The following PYROXD2 variants were observed in gnomAD, a reference collection of about 807,000 sequenced individuals.
The protein encoded by PYROXD2 is pyridine nucleotide-disulphide oxidoreductase domain 2, also known as pyridine nucleotide-disulfide oxidoreductase domain-containing protein 2.
A neutral mutation model predicts 71.1 loss-of-function variants in PYROXD2; 69 were observed. That is an observed-to-expected ratio of 0.97 (90% CI 0.80 to 1.19). The LOEUF (loss-of-function observed/expected upper bound fraction) is 1.19. Ranked by LOEUF, PYROXD2 falls within the 50% of genes most tolerant of loss-of-function variation. The pLI is 0.00. For synonymous variants in PYROXD2, 287 were observed against 302.7 expected (o/e 0.95, Z 0.54); for missense variants, 745 against 748.9 (o/e 0.99, Z 0.06).
intron 1 of PYROXD2, among the ~76,000 whole-genome samples, chr10:98,413,152 T>C (rs1275643871): frequency 1.3e-5 from 2 of 152,200 alleles, no homozygotes; most frequent in Non-Finnish European, 2.9e-5. Flanking sequence ...CTACTGGGTA[T>C]CTCTCCTAAA....
intron 4 of PYROXD2, among the ~76,000 whole-genome samples, chr10:98,402,088 T>C (rs1843432301): frequency 6.6e-6 from 1 of 152,226 alleles, no homozygotes; most frequent in African/African-American, 2.4e-5. Flanking sequence ...TATGTTGCAG[T>C]GCAACTATGG....
At chr10:98,399,079 T>C (rs1181423304) in intron 5 of PYROXD2, among the ~76,000 whole-genome samples, 2 of 152,070 alleles carry the variant, frequency 1.3e-5, no homozygotes, top group Non-Finnish European at 2.9e-5. Flanking sequence ...AGGCAGAGGT[T>C]ACAGTGAGCC....
chr10:98,412,400 G>A (rs1404668796), intron 1 of PYROXD2, among the ~76,000 whole-genome samples: 1 of 152,136 alleles, frequency 6.6e-6, no homozygotes, highest in South Asian at 2.1e-4. Flanking sequence ...CATAGCAGGC[G>A]CCTGGGCCCT....
chr10:98,390,925 G>T, intron 11 of PYROXD2, 85 bp downstream of exon 11: 3 of 1,354,260 alleles, frequency 2.2e-6, no homozygotes, highest in South Asian at 1.2e-5. Flanking sequence ...TGGAGATGAT[G>T]ACTGAGTTCA....
chr10:98,384,887 C>A, intron 15 of PYROXD2, 60 bp downstream of exon 15: 5 of 1,521,784 alleles, frequency 3.3e-6, no homozygotes, highest in Non-Finnish European at 4.4e-6. Context: ...TTCTCCAAGT[C>A]TCTGGCCTCC....
At chr10:98,404,452 C>T (rs1452885946) in intron 4 of PYROXD2, among the ~76,000 whole-genome samples, 1 of 152,002 alleles carries the variant, frequency 6.6e-6, no homozygotes, top group East Asian at 1.9e-4. Flanking sequence ...TTTCTTTTAA[C>T]AATAGGTTTA....
At chr10:98,403,243 C>T (rs949828550) in intron 4 of PYROXD2, among the ~76,000 whole-genome samples, 1 of 152,202 alleles carries the variant, frequency 6.6e-6, no homozygotes, top group African/African-American at 2.4e-5. Flanking sequence ...TAAACTCACT[C>T]ATACCCAGGA....
rs568504738 is a variant in PYROXD2, at chr10:98,413,219, C to A, written c.127+1790G>T. ...AAAGGCTATGGTGGGAGTATTTACA[C>A]CACTGTCATCAGCAAATATTACACA... On this transcript the variant is annotated intron_variant, in intron 1 of 15. Transcript: ENST00000370575. Among the ~76,000 whole-genome samples, 3 of 152,240 alleles carry A rather than the reference C, an allele frequency of 2.0e-5. No individual in the cohort carries two copies. In the South Asian group the frequency reaches 6.2e-4, roughly 32 times the overall value.
intron 4 of PYROXD2, among the ~76,000 whole-genome samples, chr10:98,405,565 C>T (rs75175742): frequency 0.017 from 2,528 of 152,306 alleles, 39 homozygotes; most frequent in Non-Finnish European, 0.022. Context: ...GTTACTATTC[C>T]CTCTTACAGA....
chr10:98,393,237 A>G (rs959659125), intron 8 of PYROXD2, among the ~76,000 whole-genome samples, 154 bp from the exon 9 acceptor site: 3 of 152,122 alleles, frequency 2.0e-5, no homozygotes, highest in Non-Finnish European at 4.4e-5. Flanking sequence ...AGTTCTTGTA[A>G]GAGCCCTTTG....
rs773105048 is a variant in PYROXD2, at chr10:98,388,520, G to A, written c.1293-12C>T. On this transcript the variant is annotated splice_polypyrimidine_tract_variant and intron_variant, in intron 12 of 15. Coordinates refer to ENST00000370575, the MANE Select transcript of PYROXD2 (RefSeq NM_032709.3). ...GCTCAATCACAGGCCTGTGCGGGCA[G>A]GGAGGAGACGGCAGGTCTAAAGAGC... is the stretch of plus-strand genomic sequence containing the variant. 9.1e-5 allele frequency: 143 copies of A among 1,572,920 alleles called. No homozygotes were observed. Among genetic ancestry groups the A allele is most frequent in the Non-Finnish European group, 1.2e-4 (140 of 1,160,018 alleles).
chr10:98,408,851 G>T (rs543661575), intron 2 of PYROXD2, among the ~76,000 whole-genome samples: 82 of 152,254 alleles, frequency 5.4e-4, no homozygotes, highest in African/African-American at 1.9e-3. Context: ...ACATTGTCTT[G>T]TTTAATTTTT....
chr10:98,397,811 C>T (rs1843243006), intron 5 of PYROXD2, among the ~76,000 whole-genome samples: 1 of 151,972 alleles, frequency 6.6e-6, no homozygotes, highest in Non-Finnish European at 1.5e-5. Context: ...TGGCAACAAT[C>T]CTAGGGTGTG....
At chr10:98,395,986 A>G (rs10883086) in intron 6 of PYROXD2, among the ~76,000 whole-genome samples, 54,369 of 152,068 alleles carry the variant, frequency 0.36, 10,019 homozygotes, top group South Asian at 0.44. Context: ...TTAGTGTCTG[A>G]CACATAGTAG....
At chr10:98,400,704 A>G (rs1031232347) in intron 4 of PYROXD2, among the ~76,000 whole-genome samples, 1 of 152,210 alleles carries the variant, frequency 6.6e-6, no homozygotes, top group African/African-American at 2.4e-5. Context: ...GGACTGTACT[A>G]GGGTTTACAA....
At chr10:98,387,044 G>A (rs1192455219) in intron 14 of PYROXD2, among the ~76,000 whole-genome samples, 157 bp downstream of exon 14, 2 of 152,146 alleles carry the variant, frequency 1.3e-5, no homozygotes, top group Admixed American at 6.5e-5. Context: ...CGGTTTGACC[G>A]CTTCTCTGCC....
At chr10:98,401,056 C>T (rs960418291) in intron 4 of PYROXD2, among the ~76,000 whole-genome samples, 1 of 151,976 alleles carries the variant, frequency 6.6e-6, no homozygotes, top group Admixed American at 6.5e-5. Flanking sequence ...AGTTCGAGAC[C>T]AGCCTGGCCA....
chr10:98,394,246 G>A (rs1843060794), intron 8 of PYROXD2, among the ~76,000 whole-genome samples: 1 of 152,146 alleles, frequency 6.6e-6, no homozygotes, highest in South Asian at 2.1e-4. Flanking sequence ...ATCACAAACG[G>A]AGCACTGGTT....
chr10:98,414,532 T>C (rs564175574), intron 1 of PYROXD2, among the ~76,000 whole-genome samples: 3 of 152,260 alleles, frequency 2.0e-5, no homozygotes, highest in Admixed American at 2.0e-4. Flanking sequence ...CTTTATGAAA[T>C]GACTGCAGTT....
Sources: gnomAD v4.1 joint callset for allele counts (sites outside exome capture counted in the v4.1 genomes callset) on GRCh38, gnomAD v4.1.1 for gene constraint, MANE v1.5 for transcripts, NCBI Gene and HGNC (gene_info 2026-07-23, HGNC 2026-07-21) for gene names.